The following DLGAP1 variants were observed in gnomAD, a reference collection of about 807,000 sequenced individuals.
DLGAP1 encodes the protein DLG associated protein 1.
In DLGAP1, 11 loss-of-function variants were observed where a neutral mutation model predicts 90.8. That is an observed-to-expected ratio of 0.12 (90% CI 0.08 to 0.20). The LOEUF (loss-of-function observed/expected upper bound fraction) is 0.20. DLGAP1 is among the 10% of genes least tolerant of loss of function. DLGAP1 has a pLI of 1.00. For synonymous variants in DLGAP1, 558 were observed against 540.7 expected, an observed-to-expected ratio of 1.03 and a Z score of -0.44; for missense variants, 1,050 against 1,333.8, an observed-to-expected ratio of 0.79 and a Z score of 3.31.
chr18:3,531,865 C>CT (rs1257930680), intron 10 of DLGAP1, among the ~76,000 whole-genome samples: 1 of 151,744 alleles, frequency 6.6e-6, no homozygotes, highest in Non-Finnish European at 1.5e-5. Flanking sequence ...TTCTTTTTTT[C>CT]TTTTTTTGGA....
intron 1 of DLGAP1, among the ~76,000 whole-genome samples, chr18:4,334,212 C>T (rs183339352): frequency 2.3e-4 from 35 of 151,550 alleles, no homozygotes; most frequent in East Asian, 3.9e-4. Flanking sequence ...CACTCCAGCC[C>T]GGGCAACAAG....
At chr18:3,961,901 G>C (rs2073206238) in intron 3 of DLGAP1, among the ~76,000 whole-genome samples, 1 of 152,188 alleles carries the variant, frequency 6.6e-6, no homozygotes. Context: ...CAGTGGCTTG[G>C]GTTGCTCAGG....
At chr18:3,500,675 G>T (rs1040458221) in intron 12 of DLGAP1, among the ~76,000 whole-genome samples, 1 of 151,934 alleles carries the variant, frequency 6.6e-6, no homozygotes, top group Non-Finnish European at 1.5e-5. Context: ...AGGTTCATGG[G>T]GTGATGAAAA....
intron 7 of DLGAP1, among the ~76,000 whole-genome samples, chr18:3,682,135 A>AAAAAT (rs2060540534): frequency 2.0e-5 from 3 of 147,700 alleles, no homozygotes; most frequent in South Asian, 2.2e-4. Flanking sequence ...AAAAAATAAA[A>AAAAAT]AAAAATAAAA....
At chr18:4,145,183 C>T (rs2144347340) in intron 2 of DLGAP1, among the ~76,000 whole-genome samples, 1 of 152,196 alleles carries the variant, frequency 6.6e-6, no homozygotes, top group Non-Finnish European at 1.5e-5. Flanking sequence ...TTTGAGACAG[C>T]CTCATCAGTA....
rs117587525 is a variant in DLGAP1, at chr18:4,349,200, T to G, written c.-267+105806A>C. ...ATATGACACACTGAGAAAGTCACAG[T>G]GTAGCCTCTGCAGTATTCGTGCAAA... On this transcript the variant is annotated intron_variant, in intron 1 of 12. Transcript: ENST00000315677. Among the ~76,000 whole-genome samples the G allele has an allele frequency of 3.3e-5, 5 of 152,222 alleles. No homozygotes were observed. The East Asian group carries it at 9.7e-4, about 29-fold the overall frequency.
chr18:3,780,019 C>T (rs1179781906), intron 5 of DLGAP1, among the ~76,000 whole-genome samples: 1 of 152,052 alleles, frequency 6.6e-6, no homozygotes, highest in Non-Finnish European at 1.5e-5. Context: ...AACTCTTGAC[C>T]TCAAGTGATC....
intron 7 of DLGAP1, among the ~76,000 whole-genome samples, chr18:3,664,218 C>CACACACA (rs1555620386): frequency 3.0e-4 from 23 of 75,774 alleles, no homozygotes; most frequent in African/African-American, 1.3e-3. Flanking sequence ...ACACACACAC[C>CACACACA]CACACACACA....
At chr18:4,155,842 T>G (rs1247117119) in intron 1 of DLGAP1, among the ~76,000 whole-genome samples, 1 of 152,108 alleles carries the variant, frequency 6.6e-6, no homozygotes. Flanking sequence ...TCGACATGGC[T>G]TATGTTTCAA....
chr18:3,704,780 G>C (rs1357061995), intron 7 of DLGAP1, among the ~76,000 whole-genome samples: 1 of 152,088 alleles, frequency 6.6e-6, no homozygotes, highest in Non-Finnish European at 1.5e-5. Flanking sequence ...TGCCAAGAGG[G>C]AAGTATTTTT....
chr18:3,849,114 T>C (rs1049264613), intron 4 of DLGAP1, among the ~76,000 whole-genome samples: 3 of 152,220 alleles, frequency 2.0e-5, no homozygotes, highest in South Asian at 2.1e-4. Flanking sequence ...CCTTGGCTCA[T>C]TGTCTGATTA....
intron 6 of DLGAP1, among the ~76,000 whole-genome samples, chr18:3,741,041 CCT>C (rs1491222744): frequency 7.9e-5 from 8 of 101,898 alleles, no homozygotes; most frequent in Non-Finnish European, 1.1e-4. Flanking sequence ...ACCACCATCA[CCT>C]CACCACCACC....
intron 2 of DLGAP1, among the ~76,000 whole-genome samples, chr18:4,123,272 C>T (rs886258251): frequency 3.9e-5 from 6 of 151,946 alleles, no homozygotes; most frequent in Non-Finnish European, 8.8e-5. Flanking sequence ...TCCTGCATTC[C>T]AGGTGCAGGA....
chr18:3,608,075 C>T (rs2057406934), intron 7 of DLGAP1: 1 of 152,260 alleles, frequency 6.6e-6, no homozygotes, highest in Admixed American at 6.5e-5. Context: ...CCTGTAATCC[C>T]AGCATTTTGG....
At chr18:4,411,185 C>CT (rs2082769820) in intron 1 of DLGAP1, among the ~76,000 whole-genome samples, 1 of 152,174 alleles carries the variant, frequency 6.6e-6, no homozygotes, top group Non-Finnish European at 1.5e-5. Flanking sequence ...ATGCAACTCT[C>CT]TGAGTTTCAC....
chr18:3,638,169 G>C (rs2146276973), intron 7 of DLGAP1, among the ~76,000 whole-genome samples: 1 of 151,088 alleles, frequency 6.6e-6, no homozygotes, highest in African/African-American at 2.4e-5. Context: ...GGATGGTCTT[G>C]ATCTCCTGAC....
At chr18:4,110,605 T>C (rs2075956014) in intron 2 of DLGAP1, among the ~76,000 whole-genome samples, 2 of 152,226 alleles carry the variant, frequency 1.3e-5, no homozygotes, top group Admixed American at 1.3e-4. Flanking sequence ...CTAGAGATAC[T>C]ATATTTTGGG....
intron 3 of DLGAP1, among the ~76,000 whole-genome samples, chr18:3,900,609 C>T (rs1481015805): frequency 6.6e-6 from 1 of 152,078 alleles, no homozygotes; most frequent in Non-Finnish European, 1.5e-5. Context: ...CTTGTGGGCT[C>T]ATTTTTGTAT....
chr18:4,188,403 A>G (rs1225233861), intron 1 of DLGAP1, among the ~76,000 whole-genome samples: 1 of 152,084 alleles, frequency 6.6e-6, no homozygotes. Context: ...TGCTGCACCT[A>G]TCAACCCGTC....
Sources: gnomAD v4.1 joint callset for allele counts (sites outside exome capture counted in the v4.1 genomes callset) on GRCh38, gnomAD v4.1.1 for gene constraint, MANE v1.5 for transcripts, NCBI Gene and HGNC (gene_info 2026-07-23, HGNC 2026-07-21) for gene names.